Variants in MYO16 observed in about 807,000 individuals in gnomAD.
MYO16 encodes the protein unconventional myosin-XVI.
Under a neutral mutation model 205.3 loss-of-function variants are expected in MYO16, and 94 were observed. That is an observed-to-expected ratio of 0.46 (90% CI 0.39 to 0.54). The LOEUF is 0.54. MYO16 is among the 20% of genes least tolerant of loss of function. The probability of loss-of-function intolerance (pLI) is 0.00; values close to 1 mark genes in which losing one functional copy is unlikely to be tolerated. For missense variants in MYO16, 2,315 were observed against 2,387.5 expected, an observed-to-expected ratio of 0.97 and a Z score of 0.63; for synonymous variants, 988 against 954.0, an observed-to-expected ratio of 1.04 and a Z score of -0.66.
chr13:108,549,229 G>C, the MYO16 span, among the ~76,000 whole-genome samples: 1 of 152,158 alleles, frequency 6.6e-6, no homozygotes, highest in African/African-American at 2.4e-5. Flanking sequence ...ATTATTTTGG[G>C]TCATCTGGGT....
At chr13:109,094,997 C>T (rs567754662) in intron 27 of MYO16, among the ~76,000 whole-genome samples, 3 of 152,172 alleles carry the variant, frequency 2.0e-5, no homozygotes, top group Non-Finnish European at 4.4e-5. Context: ...TTCCCAGCAC[C>T]TAGGAGCATC....
chr13:108,759,738 G>A (rs982353408), intron 4 of MYO16, among the ~76,000 whole-genome samples: 33 of 151,548 alleles, frequency 2.2e-4, no homozygotes, highest in African/African-American at 6.0e-4. Context: ...GGAGAATGGC[G>A]TGAACCCAGG....
intron 5 of MYO16, among the ~76,000 whole-genome samples, chr13:108,788,228 C>T (rs1379946228): frequency 9.9e-5 from 15 of 152,072 alleles, no homozygotes; most frequent in Admixed American, 9.2e-4. Context: ...CATGGAAACT[C>T]GCTGGTCACA....
intron 1 of MYO16, among the ~76,000 whole-genome samples, chr13:108,652,212 A>G (rs1881045336): frequency 6.6e-6 from 1 of 152,182 alleles, no homozygotes; most frequent in Non-Finnish European, 1.5e-5. Context: ...TGTCTACAGC[A>G]CCTGCATGTA....
intron 16 of MYO16, among the ~76,000 whole-genome samples, chr13:108,911,388 T>C (rs1187322782): frequency 6.6e-6 from 1 of 152,104 alleles, no homozygotes; most frequent in Non-Finnish European, 1.5e-5. Flanking sequence ...TTTAGATACG[T>C]TAATCGAGAG....
At chr13:109,022,582 T>C (rs578172072) in intron 23 of MYO16, among the ~76,000 whole-genome samples, 1 of 136,050 alleles carries the variant, frequency 7.4e-6, no homozygotes, top group South Asian at 2.4e-4. Flanking sequence ...TAAACATATG[T>C]ATATATTTCT....
At chr13:108,961,499 T>A (rs754221770) in intron 17 of MYO16, 40 bp from the exon 18 acceptor site, 9 of 1,533,952 alleles carry the variant, frequency 5.9e-6, no homozygotes, top group African/African-American at 1.4e-5. Flanking sequence ...ATCTTTCTTC[T>A]AAGCACCCTA....
Position 108,961,563 on chromosome 13 carries a change from C to A in MYO16, c.2062C>A (p.Leu688Ile). Residue 688 changes from leucine (L) to isoleucine (I), a missense_variant, in exon 18 of 35, where the codon CTA becomes ATA. Physicochemically the swap from Leu to Ile is conservative, Grantham distance 5. Transcript: ENST00000457511. ...SLEVENLFVI[L>I]AAILHLGDIR... Reference sequence around the variant, plus strand: ...GGAGGTGGAGAATCTGTTCGTAATTCTAGCAGCAATATTGCACCTTGGAGA... The same window carrying A: ...GGAGGTGGAGAATCTGTTCGTAATTATAGCAGCAATATTGCACCTTGGAGA... 6.2e-7 allele frequency: 1 copy of A among 1,613,980 alleles called. No individual in the cohort carries two copies. Among genetic ancestry groups the A allele is most frequent in the South Asian group, 1.1e-5 (1 of 91,082 alleles).
At chr13:108,527,163 T>C in the MYO16 span, among the ~76,000 whole-genome samples, 1 of 152,184 alleles carries the variant, frequency 6.6e-6, no homozygotes, top group African/African-American at 2.4e-5. Context: ...TTCTAACAAA[T>C]GTAGCTTTTT....
chr13:108,497,149 T>C, the MYO16 span, among the ~76,000 whole-genome samples: 2 of 152,170 alleles, frequency 1.3e-5, no homozygotes, highest in Non-Finnish European at 2.9e-5. Flanking sequence ...GTCAATGAGA[T>C]CCTGAGATCA....
At chr13:108,666,231 A>T (rs1393728697) in intron 2 of MYO16, 82 bp downstream of exon 2, 50 of 1,425,160 alleles carry the variant, frequency 3.5e-5, no homozygotes, top group Non-Finnish European at 4.4e-5. Context: ...TTTTTGATGG[A>T]GAGATGGGGC....
chr13:108,953,142 T>G (rs1358637576), intron 16 of MYO16, among the ~76,000 whole-genome samples: 3 of 152,256 alleles, frequency 2.0e-5, no homozygotes, highest in African/African-American at 7.2e-5. Flanking sequence ...CATCAATGAT[T>G]GTCAACTTTC....
In MYO16 at chr13:109,078,265, A is replaced by G. The variant is rs1267509846; in HGVS notation, c.3336-22520A>G. ...AGCATGGCAAAACCCCATCTCTACT[A>G]AAAATACAAAAAAAAAAAAAAAAAA... is the stretch of plus-strand genomic sequence containing the variant. On this transcript the variant is annotated intron_variant, in intron 27 of 34. Transcript: ENST00000457511. Among the ~76,000 whole-genome samples the G allele has an allele frequency of 5.3e-5, 4 of 75,412 alleles. No individual in the cohort carries two copies. The East Asian group carries it at 2.9e-3, about 54-fold the overall frequency. The allele number at this position is 75,412 out of a possible 152,430, so 49.5% of individuals were successfully genotyped here. A position where few individuals can be genotyped will look rare whatever the true frequency, so the allele number is the denominator to read the frequency against.
the MYO16 span, among the ~76,000 whole-genome samples, chr13:108,579,533 C>T: frequency 3.3e-5 from 5 of 151,324 alleles, no homozygotes; most frequent in South Asian, 2.1e-4. Context: ...CTCTGCCTTC[C>T]GGGTTCAAGC....
At chr13:108,567,657 A>G in the MYO16 span, among the ~76,000 whole-genome samples, 1 of 152,214 alleles carries the variant, frequency 6.6e-6, no homozygotes. Flanking sequence ...TAAAATGTGA[A>G]TGAGCATGGC....
intron 34 of MYO16, among the ~76,000 whole-genome samples, chr13:109,199,292 C>T (rs895379589): frequency 4.3e-5 from 6 of 139,594 alleles, no homozygotes; most frequent in Non-Finnish European, 9.3e-5. Context: ...CTTTAAGACA[C>T]GTGTTTTGTT....
chr13:108,817,494 C>T (rs528518703), intron 7 of MYO16, among the ~76,000 whole-genome samples: 1 of 148,036 alleles, frequency 6.8e-6, no homozygotes, highest in East Asian at 2.0e-4. Flanking sequence ...ACTGTGTTTT[C>T]TTGTATGGGA....
rs1049171095 is a variant in MYO16 at position 108,875,613 on chromosome 13, G to T, written c.1426-7446G>T. Reference sequence around the variant, plus strand: ...AAATAACTTTCTTTAGACACTCAAGGCTCATCACCCACATCTACTCTCTAG... The same window carrying T: ...AAATAACTTTCTTTAGACACTCAAGTCTCATCACCCACATCTACTCTCTAG... On this transcript the variant is annotated intron_variant, in intron 12 of 34. Transcript: ENST00000457511. 2.6e-5 allele frequency among the ~76,000 whole-genome samples: 4 copies of T among 152,058 alleles called. No individual in the cohort carries two copies. The East Asian group carries it at 7.7e-4, about 29-fold the overall frequency.
intron 4 of MYO16, among the ~76,000 whole-genome samples, chr13:108,781,628 C>G (rs1047047293): frequency 6.6e-6 from 1 of 152,286 alleles, no homozygotes; most frequent in African/African-American, 2.4e-5. Flanking sequence ...AGCTCTGGCT[C>G]TTTTACTGTC....
Sources: allele counts gnomAD v4.1 joint callset (sites outside exome capture counted in the v4.1 genomes callset), GRCh38; gene constraint gnomAD v4.1.1; transcripts MANE v1.5; gene names NCBI Gene and HGNC (gene_info 2026-07-23, HGNC 2026-07-21).